PACS1: variants seen among roughly 807,000 people sequenced by gnomAD.
PACS1 encodes phosphofurin acidic cluster sorting protein 1.
In PACS1, 24 loss-of-function variants were observed where a neutral mutation model predicts 115.0. That is an observed-to-expected ratio of 0.21 (90% CI 0.15 to 0.29). The LOEUF (loss-of-function observed/expected upper bound fraction) is 0.29. Ranked by LOEUF, PACS1 falls within the 10% of genes least tolerant of loss-of-function variation. The pLI, the probability that PACS1 is intolerant of heterozygous loss-of-function variation, is 1.00. For synonymous variants in PACS1, 453 were observed against 504.5 expected, an observed-to-expected ratio of 0.90 and a Z score of 1.37; for missense variants, 838 against 1,251.2, an observed-to-expected ratio of 0.67 and a Z score of 4.98.
intron 1 of PACS1, among the ~76,000 whole-genome samples, chr11:66,101,200 T>C (rs1050182684): frequency 8.5e-5 from 13 of 152,320 alleles, no homozygotes; most frequent in South Asian, 2.1e-4. Flanking sequence ...TTTTAAAAGT[T>C]TTAAACACTT....
chr11:66,102,746 G>A (rs1215555865), intron 1 of PACS1, among the ~76,000 whole-genome samples: 1 of 152,072 alleles, frequency 6.6e-6, no homozygotes, highest in African/African-American at 2.4e-5. Context: ...GAAAATTGAG[G>A]GAAATGGTTG....
chr11:66,086,169 G>A (rs1211539316), intron 1 of PACS1, among the ~76,000 whole-genome samples: 2 of 134,020 alleles, frequency 1.5e-5, no homozygotes, highest in Admixed American at 1.8e-4. Flanking sequence ...ACGGAGTCTC[G>A]CTCTGTCGCC....
At chr11:66,186,561 T>C (rs535789974) in intron 1 of PACS1, among the ~76,000 whole-genome samples, 1 of 152,326 alleles carries the variant, frequency 6.6e-6, no homozygotes, top group East Asian at 1.9e-4. Flanking sequence ...AATTATTATG[T>C]TTATTGCTTA....
chr11:66,073,378 A>G (rs1043258083), intron 1 of PACS1, among the ~76,000 whole-genome samples: 3 of 152,338 alleles, frequency 2.0e-5, no homozygotes, highest in Admixed American at 1.3e-4. Flanking sequence ...ACACAAATAT[A>G]TGAGATACAT....
At chr11:66,082,528 C>T (rs1238024294) in intron 1 of PACS1, among the ~76,000 whole-genome samples, 3 of 152,116 alleles carry the variant, frequency 2.0e-5, no homozygotes, top group Non-Finnish European at 4.4e-5. Flanking sequence ...AAAAACACCT[C>T]ATTTGTTATG....
At chr11:66,171,570 T>TTTTTC (rs1043464308) in intron 1 of PACS1, among the ~76,000 whole-genome samples, 5 of 149,820 alleles carry the variant, frequency 3.3e-5, no homozygotes, top group South Asian at 2.1e-4. Context: ...TCTCATTCCA[T>TTTTTC]TTTTCTTTTC....
At position 66,070,328 on chromosome 11, in the gene PACS1, G is replaced by C. The variant is rs1857283794; in HGVS notation, c.-159G>C. The C allele has an allele frequency of 4.1e-6, 1 of 246,226 alleles. No homozygotes were observed. The highest frequency in any genetic ancestry group is 7.2e-6 in the Non-Finnish European group (1 of 139,268). The allele number at this position is 246,226 out of a possible 1,614,324, so 15.3% of individuals were successfully genotyped here. Reference sequence around the variant, plus strand: ...AGCGGCGGTCGAGCGCGAGGCCCGCGCGCCCAGAGGCCCCGCGCGTGCGTG... The same window carrying C: ...AGCGGCGGTCGAGCGCGAGGCCCGCCCGCCCAGAGGCCCCGCGCGTGCGTG... On this transcript the variant is annotated 5_prime_UTR_variant, in exon 1 of 24. Transcript: ENST00000320580. This position sits in a 1 kb window ranked among gnomAD's most constrained non-coding sequence, Gnocchi z 5.9.
chr11:66,118,830 C>T (rs1648033499), intron 1 of PACS1, among the ~76,000 whole-genome samples: 1 of 149,224 alleles, frequency 6.7e-6, no homozygotes, highest in Non-Finnish European at 1.5e-5. Context: ...AGCTTATTTT[C>T]TCGTTATTTC....
chr11:66,149,549 A>G (rs1370503311), intron 1 of PACS1, among the ~76,000 whole-genome samples: 1 of 152,182 alleles, frequency 6.6e-6, no homozygotes, highest in Admixed American at 6.5e-5. Flanking sequence ...AAAAACAAAT[A>G]TTTTATAAAC....
chr11:66,157,865 CATG>C (rs1859397074), intron 1 of PACS1, among the ~76,000 whole-genome samples: 2 of 151,288 alleles, frequency 1.3e-5, no homozygotes, highest in Admixed American at 1.3e-4. Flanking sequence ...AAAAACCTAA[CATG>C]GTATTTAGAA....
rs148370408 is a variant in PACS1 at position 66,145,665 on chromosome 11, C to T, written c.357-47821C>T. Among the ~76,000 whole-genome samples, 6 of 152,230 alleles carry T rather than the reference C, an allele frequency of 3.9e-5. No homozygotes were observed. The East Asian group carries it at 1.2e-3, about 29-fold the overall frequency. ...CTGGTTGGCTGGGAATCTGCATGAA[C>T]GTATGAAGGAAATGTGACAGGGCTG... On this transcript the variant is annotated intron_variant, in intron 1 of 23. Coordinates refer to ENST00000320580, the MANE Select transcript of PACS1 (RefSeq NM_018026.4).
chr11:66,119,060 G>A (rs969306477), intron 1 of PACS1, among the ~76,000 whole-genome samples: 1 of 152,138 alleles, frequency 6.6e-6, no homozygotes, highest in Non-Finnish European at 1.5e-5. Flanking sequence ...GCCCAAGAAG[G>A]CTTCCTGAAC....
At chr11:66,112,675 C>T (rs1858216145) in intron 1 of PACS1, among the ~76,000 whole-genome samples, 1 of 152,116 alleles carries the variant, frequency 6.6e-6, no homozygotes, top group Non-Finnish European at 1.5e-5. Flanking sequence ...GACTGCTTTT[C>T]CCGTTGTGCA....
chr11:66,225,987 A>G (rs1347590906), intron 10 of PACS1, among the ~76,000 whole-genome samples: 1 of 152,140 alleles, frequency 6.6e-6, no homozygotes, highest in Non-Finnish European at 1.5e-5. Context: ...TGGTCAATCA[A>G]CATGGTAAAA....
intron 3 of PACS1, 152 bp from the exon 4 acceptor site, chr11:66,210,982 C>A: frequency 1.2e-6 from 1 of 849,446 alleles, no homozygotes; most frequent in Non-Finnish European, 1.9e-6. Context: ...ATCAGCTCCA[C>A]CAGCAGCAAC....
chr11:66,242,867 G>A, intron 22 of PACS1, 45 bp from the exon 23 acceptor site: 1 of 1,610,960 alleles, frequency 6.2e-7, no homozygotes, highest in Non-Finnish European at 8.5e-7. Context: ...AGGGGTGGCG[G>A]CTTCCCCAGG....
rs560536787 is a variant in PACS1 at position 66,195,021 on chromosome 11, C to T, written c.444+1448C>T. ...GGTGGATCACTCAAGGTCAGGAGTT[C>T]GAGACCAGCCTGGCCAACATGGTGA... On this transcript the variant is annotated intron_variant, in intron 2 of 23. Transcript: ENST00000320580. Among the ~76,000 whole-genome samples, 15 of 152,248 alleles carry T rather than the reference C, an allele frequency of 9.9e-5. 1 individual carries two copies. The highest frequency in any genetic ancestry group is 3.4e-4 in the African/African-American group (14 of 41,538).
intron 10 of PACS1, 141 bp downstream of exon 10, chr11:66,221,388 C>T: frequency 1.4e-6 from 1 of 700,700 alleles, no homozygotes; most frequent in Non-Finnish European, 2.5e-6. Context: ...TGGATCACAA[C>T]TGTAATCCTG....
At chr11:66,212,940 C>T (rs1855111037) in intron 4 of PACS1, among the ~76,000 whole-genome samples, 1 of 152,226 alleles carries the variant, frequency 6.6e-6, no homozygotes, top group East Asian at 1.9e-4. Context: ...ACCTCTACCT[C>T]CCGGGTTCCA....
Sources: gnomAD v4.1 joint callset for allele counts (sites outside exome capture counted in the v4.1 genomes callset) on GRCh38, gnomAD v4.1.1 for gene constraint, Gnocchi (gnomAD v3.1) non-coding constraint, MANE v1.5 for transcripts, NCBI Gene and HGNC (gene_info 2026-07-23, HGNC 2026-07-21) for gene names.